The following PCDH15 variants were observed in gnomAD, a reference collection of about 807,000 sequenced individuals.
PCDH15 encodes the protein protocadherin-15.
In PCDH15, 129 loss-of-function variants were observed where a neutral mutation model predicts 178.5. That is an observed-to-expected ratio of 0.72 (90% CI 0.63 to 0.84). The LOEUF (loss-of-function observed/expected upper bound fraction) is 0.84. Ranked by LOEUF, PCDH15 falls within the 40% of genes least tolerant of loss-of-function variation. The pLI is 0.00. For missense variants in PCDH15, 2,230 were observed against 2,099.9 expected (o/e 1.06, Z -1.21); for synonymous variants, 800 against 732.0 (o/e 1.09, Z -1.50).
chr10:54,747,867 G>A (rs1029614248), intron 1 of PCDH15, among the ~76,000 whole-genome samples: 3 of 146,798 alleles, frequency 2.0e-5, no homozygotes, highest in Admixed American at 1.4e-4. Context: ...GTGCAGTGGC[G>A]TGATCTCCGC....
chr10:55,255,617 G>C (rs1034494290), intron 1 of PCDH15, among the ~76,000 whole-genome samples: 1 of 152,044 alleles, frequency 6.6e-6, no homozygotes, highest in African/African-American at 2.4e-5. Flanking sequence ...AGCACCTGTT[G>C]TTTCCTGACT....
intron 9 of PCDH15, among the ~76,000 whole-genome samples, chr10:54,216,045 A>G (rs1417528733): frequency 1.6e-3 from 18 of 11,442 alleles, no homozygotes; most frequent in African/African-American, 5.7e-3. Flanking sequence ...TCCGTCTCAG[A>G]AAAAAAAAAA....
chr10:54,683,022 C>T (rs1313429830), intron 1 of PCDH15, among the ~76,000 whole-genome samples: 1 of 152,052 alleles, frequency 6.6e-6, no homozygotes, highest in African/African-American at 2.4e-5. Context: ...TACATGCAGC[C>T]TCTGAATCTA....
chr10:55,209,485 G>A (rs1403082158), intron 1 of PCDH15, among the ~76,000 whole-genome samples: 2 of 152,034 alleles, frequency 1.3e-5, no homozygotes, highest in East Asian at 1.9e-4. Context: ...GTGAGCACAA[G>A]TGAAGGTGAT....
At chr10:53,874,500 A>T (rs2080088693) in intron 26 of PCDH15, among the ~76,000 whole-genome samples, 1 of 152,120 alleles carries the variant, frequency 6.6e-6, no homozygotes, top group African/African-American at 2.4e-5. Flanking sequence ...CCATTGGTAA[A>T]GTCTAATAGG....
rs75486374 is a variant in PCDH15, at chr10:54,275,880, A to G, written c.877-38949T>C. ...TATGAAAATTTGTTTTATAACAGAA[A>G]TTGCATTAACAAATCAGAGGTTAAA... is the stretch of plus-strand genomic sequence containing the variant. On this transcript the variant is annotated intron_variant, in intron 8 of 37. Coordinates refer to ENST00000644397, the MANE Select transcript of PCDH15 (RefSeq NM_001384140.1). Among the ~76,000 whole-genome samples the G allele has an allele frequency of 9.4e-3, 1,429 of 151,928 alleles. 26 individuals are homozygous for G. The highest frequency in any genetic ancestry group is 0.032 in the African/African-American group (1,330 of 41,518).
intron 2 of PCDH15, among the ~76,000 whole-genome samples, chr10:55,398,628 C>G (rs1381035802): frequency 2.0e-5 from 3 of 152,284 alleles, no homozygotes; most frequent in Non-Finnish European, 2.9e-5. Flanking sequence ...TAGACCCAGT[C>G]ATAACAGGAC....
intron 26 of PCDH15, among the ~76,000 whole-genome samples, chr10:53,888,632 G>T (rs1245110921): frequency 7.6e-5 from 3 of 39,714 alleles, no homozygotes; most frequent in African/African-American, 2.7e-4. Context: ...GGTTTCTTAT[G>T]GTTTGTTTTC....
chr10:55,328,407 C>A (rs1844092529), intron 2 of PCDH15, among the ~76,000 whole-genome samples: 1 of 151,760 alleles, frequency 6.6e-6, no homozygotes, highest in Non-Finnish European at 1.5e-5. Flanking sequence ...AGGCTACAAA[C>A]CTGTGCCACA....
intron 2 of PCDH15, among the ~76,000 whole-genome samples, chr10:54,660,439 C>CAT (rs1336704737): frequency 1.3e-5 from 2 of 151,920 alleles, no homozygotes; most frequent in African/African-American, 4.8e-5. Context: ...CCTGAAGAGA[C>CAT]ATATAATGAG....
At position 53,828,580 on chromosome 10, in the gene PCDH15, G is replaced by A. The variant is rs1209357687; in HGVS notation, c.4203-7C>T. Reference sequence around the variant, plus strand: ...TTATACTTACACTTTAAACCTGTTTGGGAAAGCAAGAGTAAGAAAAATAGA... The same window carrying A: ...TTATACTTACACTTTAAACCTGTTTAGGAAAGCAAGAGTAAGAAAAATAGA... On this transcript the variant is annotated splice_region_variant and splice_polypyrimidine_tract_variant and intron_variant, in intron 30 of 37. Transcript: ENST00000644397. The A allele has an allele frequency of 7.1e-6, 11 of 1,547,646 alleles. No homozygotes were observed. The highest frequency in any genetic ancestry group is 9.8e-6 in the Non-Finnish European group (11 of 1,120,560).
At chr10:55,567,844 G>GA (rs1001405280) in intron 2 of PCDH15, among the ~76,000 whole-genome samples, 94 of 147,492 alleles carry the variant, frequency 6.4e-4, no homozygotes, top group Middle Eastern at 3.5e-3. Flanking sequence ...CATCAGACAT[G>GA]AAAAAAAAAA....
chr10:55,469,897 C>T (rs976856280), intron 2 of PCDH15, among the ~76,000 whole-genome samples: 1 of 151,844 alleles, frequency 6.6e-6, no homozygotes, highest in Admixed American at 6.6e-5. Flanking sequence ...ATTTAATATT[C>T]TAATTATTAC....
intron 2 of PCDH15, among the ~76,000 whole-genome samples, chr10:54,995,034 T>A (rs1324451638): frequency 1.3e-5 from 2 of 151,988 alleles, no homozygotes; most frequent in Non-Finnish European, 2.9e-5. Context: ...AGAATGTAGG[T>A]AGTTATCGTA....
At chr10:54,002,302 A>G (rs7900199) in intron 20 of PCDH15, among the ~76,000 whole-genome samples, 2,116 of 152,176 alleles carry the variant, frequency 0.014, 35 homozygotes, top group African/African-American at 0.048. Flanking sequence ...AAAGAAAATC[A>G]ACAAAGAAAC....
At chr10:54,330,207 G>A (rs2133894281) in intron 6 of PCDH15, among the ~76,000 whole-genome samples, 1 of 151,716 alleles carries the variant, frequency 6.6e-6, no homozygotes, top group South Asian at 2.1e-4. Flanking sequence ...TTAGTGATGA[G>A]GTACATTCCG....
chr10:55,060,609 G>A (rs992941722), intron 2 of PCDH15, among the ~76,000 whole-genome samples: 4 of 151,742 alleles, frequency 2.6e-5, no homozygotes, highest in Admixed American at 1.3e-4. Flanking sequence ...TCATATAGGT[G>A]CCAGCAAAAA....
intron 8 of PCDH15, among the ~76,000 whole-genome samples, chr10:54,247,483 T>C (rs906864745): frequency 1.3e-5 from 2 of 151,706 alleles, no homozygotes; most frequent in African/African-American, 4.9e-5. Flanking sequence ...CTGTAGGACA[T>C]CTAAATACAA....
intron 2 of PCDH15, among the ~76,000 whole-genome samples, chr10:55,062,542 A>G (rs1841458895): frequency 1.3e-5 from 2 of 152,306 alleles, no homozygotes; most frequent in Admixed American, 1.3e-4. Context: ...TGTCAAAACT[A>G]TGGAGACAGT....
Sources: allele counts gnomAD v4.1 joint callset (sites outside exome capture counted in the v4.1 genomes callset), GRCh38; gene constraint gnomAD v4.1.1; transcripts MANE v1.5; gene names NCBI Gene and HGNC (gene_info 2026-07-23, HGNC 2026-07-21).